PRDM16: variants seen among roughly 807,000 people sequenced by gnomAD.
PRDM16 encodes the protein histone-lysine N-methyltransferase PRDM16.
A neutral mutation model predicts 110.6 loss-of-function variants in PRDM16; 23 were observed. The ratio of observed to expected loss-of-function variants is 0.21; its 90% CI spans 0.15 to 0.29. The LOEUF is 0.29. Among genes scored for constraint, PRDM16 ranks in the 10% least tolerant of loss-of-function variants. PRDM16 has a pLI of 1.00. For synonymous variants in PRDM16, 799 were observed against 781.8 expected (o/e 1.02, Z -0.37); for missense variants, 1,615 against 1,794.3 (o/e 0.90, Z 1.81).
chr1:3,278,869 C>T (rs573995323), intron 3 of PRDM16, among the ~76,000 whole-genome samples: 2 of 152,346 alleles, frequency 1.3e-5, no homozygotes, highest in African/African-American at 4.8e-5. Context: ...GTCCTCTCAA[C>T]GTGGCCCAGC....
chr1:3,407,650 A>C (rs749798851), intron 8 of PRDM16, among the ~76,000 whole-genome samples: 7 of 152,196 alleles, frequency 4.6e-5, no homozygotes, highest in Non-Finnish European at 1.0e-4. Context: ...ACCTAGGTTT[A>C]AACTTCCTTG....
At chr1:3,122,165 C>T (rs1643109974) in intron 1 of PRDM16, among the ~76,000 whole-genome samples, 1 of 152,180 alleles carries the variant, frequency 6.6e-6, no homozygotes, top group Admixed American at 6.5e-5. Flanking sequence ...CACAGGACTG[C>T]CTGCTGGAAG....
chr1:3,422,149 A>G (rs1325189450), intron 12 of PRDM16, among the ~76,000 whole-genome samples: 2 of 147,096 alleles, frequency 1.4e-5, no homozygotes, highest in African/African-American at 5.1e-5. Flanking sequence ...AGGCAGACAG[A>G]CAGGCAGGGC....
chr1:3,207,250 T>C (rs1638774881), intron 2 of PRDM16: 3 of 152,248 alleles, frequency 2.0e-5, no homozygotes, highest in Admixed American at 2.0e-4. Flanking sequence ...CGAGGTCATT[T>C]GGTTAATTCC....
intron 1 of PRDM16, among the ~76,000 whole-genome samples, chr1:3,087,663 A>G (rs1375436919): frequency 6.6e-6 from 1 of 152,190 alleles, no homozygotes; most frequent in Non-Finnish European, 1.5e-5. Context: ...TGACCAAGGA[A>G]TGCCATGTCC....
At chr1:3,284,820 C>T (rs940170532) in intron 3 of PRDM16, among the ~76,000 whole-genome samples, 1 of 152,196 alleles carries the variant, frequency 6.6e-6, no homozygotes, top group African/African-American at 2.4e-5. Flanking sequence ...GTGGTCCCGC[C>T]CAGGCCAGGG....
At chr1:3,181,578 A>ATG (rs1644191378) in intron 1 of PRDM16, among the ~76,000 whole-genome samples, 1 of 140,490 alleles carries the variant, frequency 7.1e-6, no homozygotes, top group South Asian at 2.5e-4. Context: ...AGTCTTACAC[A>ATG]CGGTCTTACA....
intron 3 of PRDM16, among the ~76,000 whole-genome samples, chr1:3,361,817 G>T (rs1569570994): frequency 6.6e-6 from 1 of 150,548 alleles, no homozygotes; most frequent in East Asian, 2.0e-4. Flanking sequence ...AGGGCAGGTG[G>T]TGAGAAGTGA....
chr1:3,123,635 G>C (rs1569617469), intron 1 of PRDM16, among the ~76,000 whole-genome samples: 1 of 152,258 alleles, frequency 6.6e-6, no homozygotes, highest in African/African-American at 2.4e-5. Context: ...CCCATCCCAT[G>C]CCCCCTTCCT....
intron 3 of PRDM16, among the ~76,000 whole-genome samples, chr1:3,320,178 A>C (rs958007063): frequency 6.6e-6 from 1 of 152,204 alleles, no homozygotes; most frequent in African/African-American, 2.4e-5. Context: ...AAGAACACAC[A>C]TGTGCCAAAT....
At chr1:3,114,518 G>A in intron 1 of PRDM16, among the ~76,000 whole-genome samples, 1 of 149,408 alleles carries the variant, frequency 6.7e-6, no homozygotes, top group South Asian at 2.1e-4. Context: ...ACACACACAT[G>A]AACACACGCA....
rs535561057 is a variant in PRDM16, at chr1:3,087,837, GA to G, written c.37+18542del. Among the ~76,000 whole-genome samples the G allele has an allele frequency of 9.9e-5, 15 of 151,896 alleles. No homozygotes were observed. The South Asian group carries it at 3.1e-3, about 32-fold the overall frequency. On this transcript the variant is annotated intron_variant, in intron 1 of 16. Transcript: ENST00000270722. ...TTTGGACAACAAGTCTCTGGTTATT[GA>G]CAAATCAATTTTCCAGGGAGGGAGG...
In PRDM16 at chr1:3,106,168, G is replaced by A. The variant is rs556820124; in HGVS notation, c.37+36872G>A. ...TGGCAGGGTGGGCGGGGTATGGGGGGAAGCCCCTGGGGGAGCCTGTCTTCC... is the reference window on the plus strand; with the variant it reads ...TGGCAGGGTGGGCGGGGTATGGGGGAAAGCCCCTGGGGGAGCCTGTCTTCC... On this transcript the variant is annotated intron_variant, in intron 1 of 16. Transcript: ENST00000270722. 4.6e-4 allele frequency among the ~76,000 whole-genome samples: 69 copies of A among 151,512 alleles called. 1 individual carries two copies. The highest frequency in any genetic ancestry group is 1.5e-3 in the African/African-American group (63 of 41,442).
At chr1:3,295,583 G>A (rs1641069814) in intron 3 of PRDM16, among the ~76,000 whole-genome samples, 2 of 152,098 alleles carry the variant, frequency 1.3e-5, no homozygotes, top group African/African-American at 4.8e-5. Flanking sequence ...ACCTCCCCGG[G>A]GGCCGTAACT....
intron 3 of PRDM16, among the ~76,000 whole-genome samples, chr1:3,269,600 G>GACAGTCCCAGAGGAGC: frequency 7.1e-6 from 1 of 140,012 alleles, no homozygotes; most frequent in East Asian, 2.0e-4. Context: ...TCGGGAGGAG[G>GACAGTCCCAGAGGAGC]ACAGTCCCAG....
At chr1:3,323,904 C>T (rs1262433202) in intron 3 of PRDM16, among the ~76,000 whole-genome samples, 1 of 152,236 alleles carries the variant, frequency 6.6e-6, no homozygotes, top group African/African-American at 2.4e-5. Context: ...GGCCTCATCT[C>T]CTTACTCCAC....
chr1:3,409,834 G>GGTGTGTGGTGTATGTGC (rs1553175975), intron 8 of PRDM16, among the ~76,000 whole-genome samples: 3 of 125,800 alleles, frequency 2.4e-5, no homozygotes, highest in Non-Finnish European at 3.3e-5. Flanking sequence ...GTTGTGTGTG[G>GGTGTGTGGTGTATGTGC]GTGTGTGGTG....
At chr1:3,107,798 T>G (rs1569571409) in intron 1 of PRDM16, among the ~76,000 whole-genome samples, 1 of 152,258 alleles carries the variant, frequency 6.6e-6, no homozygotes, top group Admixed American at 6.5e-5. Context: ...CTGTGGCCCC[T>G]GGCCTCACTC....
At position 3,339,073 on chromosome 1, in the gene PRDM16, G is replaced by C. The variant is rs538866404; in HGVS notation, c.439-46079G>C. On this transcript the variant is annotated intron_variant, in intron 3 of 16. Coordinates refer to ENST00000270722, the MANE Select transcript of PRDM16 (RefSeq NM_022114.4). This position sits in a 1 kb window ranked among gnomAD's most constrained non-coding sequence, Gnocchi z 5.0. ...CTGGGGAGAGTTGCAGCTTCAAGGCGATCGATGGGGAGCTTCCGTGCACTC... is the reference window on the plus strand; with the variant it reads ...CTGGGGAGAGTTGCAGCTTCAAGGCCATCGATGGGGAGCTTCCGTGCACTC... Among the ~76,000 whole-genome samples, 3 of 152,122 alleles carry C rather than the reference G, an allele frequency of 2.0e-5. No homozygotes were observed. The highest frequency in any genetic ancestry group is 1.3e-4 in the Admixed American group (2 of 15,276).
Sources: gnomAD v4.1 joint callset for allele counts (sites outside exome capture counted in the v4.1 genomes callset) on GRCh38, gnomAD v4.1.1 for gene constraint, Gnocchi (gnomAD v3.1) non-coding constraint, MANE v1.5 for transcripts, NCBI Gene and HGNC (gene_info 2026-07-23, HGNC 2026-07-21) for gene names.